PRPF18: variants seen among roughly 807,000 people sequenced by gnomAD.
The protein encoded by PRPF18 is pre-mRNA-splicing factor 18.
Under a neutral mutation model 46.5 loss-of-function variants are expected in PRPF18, and 38 were observed. That is an observed-to-expected ratio of 0.82 (90% CI 0.63 to 1.07). The LOEUF is 1.07. PRPF18 is among the 50% of genes least tolerant of loss of function. PRPF18 has a pLI of 0.00. For synonymous variants in PRPF18, 152 were observed against 146.7 expected (o/e 1.04, Z -0.26); for missense variants, 263 against 410.0 (o/e 0.64, Z 3.10).
intron 1 of PRPF18, among the ~76,000 whole-genome samples, chr10:13,589,116 C>T (rs2079920269): frequency 6.6e-6 from 1 of 152,192 alleles, no homozygotes; most frequent in Admixed American, 6.5e-5. Context: ...CTCCTGATGA[C>T]AGATCTAAGT....
chr10:13,631,813 G>T (rs1000577087), downstream of PRPF18: 7 of 152,292 alleles, frequency 4.6e-5, no homozygotes, highest in African/African-American at 1.7e-4. Context: ...GAAGCTAGAT[G>T]TCACCAAGTA....
chr10:13,653,742 G>C, the PRPF18 span: 3 of 152,676 alleles, frequency 2.0e-5, no homozygotes, highest in Non-Finnish European at 4.4e-5. Flanking sequence ...GAAGAGGCAG[G>C]TGCTGTAGGG....
chr10:13,618,571 A>T (rs1216610951), intron 9 of PRPF18, among the ~76,000 whole-genome samples: 1 of 130,058 alleles, frequency 7.7e-6, no homozygotes, highest in Non-Finnish European at 1.6e-5. Flanking sequence ...GGTTGCAGTG[A>T]TTTGTGATTG....
At chr10:13,640,621 CCAAT>C in the PRPF18 span, 1 of 151,900 alleles carries the variant, frequency 6.6e-6, no homozygotes, top group Non-Finnish European at 1.5e-5. Flanking sequence ...AGACCTATGT[CCAAT>C]CAGTCTGTTT....
the PRPF18 span, chr10:13,651,948 A>G: frequency 1.3e-6 from 2 of 1,595,946 alleles, no homozygotes; most frequent in Non-Finnish European, 1.7e-6. Context: ...AGACCCATCC[A>G]GAATGGGTGA....
chr10:13,603,658 C>T (rs1326081905), intron 3 of PRPF18, among the ~76,000 whole-genome samples: 1 of 152,118 alleles, frequency 6.6e-6, no homozygotes, highest in Admixed American at 6.5e-5. Flanking sequence ...TCCTGTTCGA[C>T]CTCTGTAGTT....
At chr10:13,588,770 C>A (rs1428000346) in intron 1 of PRPF18, among the ~76,000 whole-genome samples, 1 of 152,088 alleles carries the variant, frequency 6.6e-6, no homozygotes, top group Non-Finnish European at 1.5e-5. Context: ...TTAGGAACTT[C>A]CTGAAGATGA....
chr10:13,616,650 T>C (rs1589132732), intron 9 of PRPF18, 97 bp downstream of exon 9: 6 of 1,474,272 alleles, frequency 4.1e-6, no homozygotes, highest in Non-Finnish European at 4.7e-6. Flanking sequence ...TTACAGCAAA[T>C]AGAACATAGC....
intron 1 of PRPF18, among the ~76,000 whole-genome samples, chr10:13,590,826 C>T (rs1461268660): frequency 1.3e-5 from 2 of 152,026 alleles, no homozygotes; most frequent in African/African-American, 4.8e-5. Flanking sequence ...CTGGTCTGTT[C>T]CTACTTCAGA....
At chr10:13,649,646 G>A in the PRPF18 span, 1 of 152,222 alleles carries the variant, frequency 6.6e-6, no homozygotes, top group Non-Finnish European at 1.5e-5. Context: ...AAGTACGTAA[G>A]GTATTTTTAA....
intron 1 of PRPF18, among the ~76,000 whole-genome samples, chr10:13,591,158 C>T (rs1295949493): frequency 1.3e-5 from 2 of 152,178 alleles, no homozygotes; most frequent in African/African-American, 4.8e-5. Context: ...AGGGAACATA[C>T]ACAACTAGGC....
chr10:13,625,437 T>C lies in PRPF18; in HGVS notation c.949-4823T>C, dbSNP rs142908245. Among the ~76,000 whole-genome samples the C allele has an allele frequency of 5.1e-4, 77 of 152,190 alleles. No individual in the cohort carries two copies. In the South Asian group the frequency reaches 0.012, roughly 24 times the overall value. On this transcript the variant is annotated intron_variant, in intron 9 of 9. Coordinates refer to ENST00000378572, the MANE Select transcript of PRPF18 (RefSeq NM_003675.4). ...TAGCAAAAATTTAAATCAGCAAAAA[T>C]TTAGTAATTACATTAGTGGGTTAGA...
intron 1 of PRPF18, among the ~76,000 whole-genome samples, chr10:13,587,796 T>C (rs1458799690): frequency 6.6e-6 from 1 of 152,220 alleles, no homozygotes; most frequent in Non-Finnish European, 1.5e-5. Context: ...CGTTCATAAG[T>C]CCCTACTTTT....
chr10:13,653,063 T>TCCCCA, the PRPF18 span: 2 of 152,288 alleles, frequency 1.3e-5, no homozygotes, highest in East Asian at 1.9e-4. Context: ...ATCTGGGTAT[T>TCCCCA]TCCCCCGCAA....
chr10:13,634,763 CTTATGTT>C (rs924080206), downstream of PRPF18, among the ~76,000 whole-genome samples: 10 of 152,180 alleles, frequency 6.6e-5, no homozygotes, highest in Non-Finnish European at 1.2e-4. Context: ...AAGGCACATT[CTTATGTT>C]TTCTAATCTG....
At chr10:13,618,018 C>T (rs543856055) in intron 9 of PRPF18, among the ~76,000 whole-genome samples, 5 of 152,234 alleles carry the variant, frequency 3.3e-5, no homozygotes, top group East Asian at 3.9e-4. Context: ...ATAATGGACT[C>T]GTGTCTCTTA....
At chr10:13,654,405 G>T in the PRPF18 span, 1 of 1,554,874 alleles carries the variant, frequency 6.4e-7, no homozygotes, top group Non-Finnish European at 8.9e-7. Context: ...GAACATAGAA[G>T]GAGAACTCAC....
chr10:13,600,972 G>C (rs981793576), intron 3 of PRPF18, among the ~76,000 whole-genome samples: 4 of 152,008 alleles, frequency 2.6e-5, no homozygotes, highest in African/African-American at 9.7e-5. Flanking sequence ...GTAGAGATGG[G>C]GTTTCATCAT....
intron 9 of PRPF18, among the ~76,000 whole-genome samples, chr10:13,617,141 C>A (rs1189490921): frequency 6.6e-6 from 1 of 152,148 alleles, no homozygotes; most frequent in Non-Finnish European, 1.5e-5. Context: ...GGAAGAAAAT[C>A]GACTATAATG....
Sources: gnomAD v4.1 joint callset for allele counts (sites outside exome capture counted in the v4.1 genomes callset) on GRCh38, gnomAD v4.1.1 for gene constraint, MANE v1.5 for transcripts, NCBI Gene and HGNC (gene_info 2026-07-23, HGNC 2026-07-21) for gene names.